Variants in TRHDE observed in about 807,000 individuals in gnomAD.
TRHDE encodes the protein thyrotropin releasing hormone degrading enzyme, also known as thyrotropin-releasing hormone-degrading ectoenzyme.
A neutral mutation model predicts 125.7 loss-of-function variants in TRHDE; 72 were observed. The ratio of observed to expected loss-of-function variants is 0.57; its 90% CI spans 0.47 to 0.70. The LOEUF (loss-of-function observed/expected upper bound fraction) is 0.70. Among genes scored for constraint, TRHDE ranks in the 30% least tolerant of loss-of-function variants. The pLI, the probability that TRHDE is intolerant of heterozygous loss-of-function variation, is 0.00. For missense variants in TRHDE, 1,110 were observed against 1,327.1 expected (o/e 0.84, Z 2.54); for synonymous variants, 509 against 509.1 (o/e 1.00, Z 0.00).
In TRHDE at chr12:72,644,194, A is replaced by G. The variant is rs573467912; in HGVS notation, c.2676-8128A>G. On this transcript the variant is annotated intron_variant, in intron 15 of 18. Coordinates refer to ENST00000261180, the MANE Select transcript of TRHDE (RefSeq NM_013381.3). ...AAACCACTCATCAAAGCTAGTAGAG[A>G]GATTCAGGACACACATTTATCAGAA... is the stretch of plus-strand genomic sequence containing the variant. 3.3e-5 allele frequency among the ~76,000 whole-genome samples: 5 copies of G among 152,296 alleles called. No individual in the cohort carries two copies. In the East Asian group the frequency reaches 9.7e-4, roughly 29 times the overall value.
chr12:72,352,188 A>T (rs1021252124), intron 2 of TRHDE, among the ~76,000 whole-genome samples: 1 of 151,764 alleles, frequency 6.6e-6, no homozygotes, highest in Non-Finnish European at 1.5e-5. Context: ...CTTAAATTGA[A>T]TGATTGACTG....
intron 2 of TRHDE, among the ~76,000 whole-genome samples, chr12:72,317,624 G>C (rs559468333): frequency 6.6e-6 from 1 of 152,060 alleles, no homozygotes; most frequent in African/African-American, 2.4e-5. Context: ...CTTCTTAAAG[G>C]CCCTACCTCT....
At chr12:72,173,590 C>T (rs961704996) in intron 2 of TRHDE, among the ~76,000 whole-genome samples, 2 of 152,100 alleles carry the variant, frequency 1.3e-5, no homozygotes, top group African/African-American at 4.8e-5. Context: ...ATAGTGACCC[C>T]ATAATGCTGG....
chr12:72,569,701 A>G (rs1173664063), intron 10 of TRHDE, among the ~76,000 whole-genome samples: 1 of 152,212 alleles, frequency 6.6e-6, no homozygotes, highest in Non-Finnish European at 1.5e-5. Context: ...TCTAACACAT[A>G]AAGACATACG....
intron 3 of TRHDE, among the ~76,000 whole-genome samples, chr12:72,466,589 C>G (rs1045541393): frequency 6.6e-6 from 1 of 152,172 alleles, no homozygotes; most frequent in African/African-American, 2.4e-5. Flanking sequence ...TGGTTATGAA[C>G]TTACAATTCA....
chr12:72,522,589 C>T, intron 6 of TRHDE, among the ~76,000 whole-genome samples: 1 of 152,150 alleles, frequency 6.6e-6, no homozygotes. Flanking sequence ...GAAAAATAAA[C>T]ATGGCTCTGT....
intron 2 of TRHDE, among the ~76,000 whole-genome samples, chr12:72,175,491 C>T (rs1279606715): frequency 6.6e-6 from 1 of 152,174 alleles, no homozygotes; most frequent in African/African-American, 2.4e-5. Context: ...GAAAGACTCC[C>T]TTTCATGTGG....
intron 6 of TRHDE, 41 bp from the exon 7 acceptor site, chr12:72,542,250 C>T (rs772632755): frequency 5.5e-6 from 8 of 1,465,306 alleles, no homozygotes; most frequent in Non-Finnish European, 7.5e-6. Flanking sequence ...AATCATGATA[C>T]TTTGTTGAAA....
chr12:72,223,518 A>T (rs1462421422), intron 2 of TRHDE, among the ~76,000 whole-genome samples: 1 of 152,124 alleles, frequency 6.6e-6, no homozygotes, highest in Non-Finnish European at 1.5e-5. Context: ...TATTTATGTA[A>T]GATCACAGTT....
At chr12:72,501,615 G>C (rs973937884) in intron 6 of TRHDE, among the ~76,000 whole-genome samples, 1 of 151,862 alleles carries the variant, frequency 6.6e-6, no homozygotes, top group Non-Finnish European at 1.5e-5. Context: ...TAGAAATTTT[G>C]CATCTGGGCT....
chr12:72,359,185 A>G lies in TRHDE; in HGVS notation c.1189-18810A>G, dbSNP rs573941554. Among the ~76,000 whole-genome samples the G allele has an allele frequency of 9.2e-5, 14 of 151,612 alleles. No homozygotes were observed. In the East Asian group the frequency reaches 2.7e-3, roughly 30 times the overall value. On this transcript the variant is annotated intron_variant, in intron 2 of 18. Coordinates refer to ENST00000261180, the MANE Select transcript of TRHDE (RefSeq NM_013381.3). ...ATTACCTTAACAGATCACAAGAAAA[A>G]AAAACATATCTGAAGAGAGGTGAAG...
intron 6 of TRHDE, among the ~76,000 whole-genome samples, chr12:72,528,961 T>A (rs1868405027): frequency 6.6e-6 from 1 of 152,268 alleles, no homozygotes; most frequent in East Asian, 1.9e-4. Context: ...CACTAATAAT[T>A]TTATTCTTAA....
chr12:72,602,109 G>A (rs1023979158), intron 12 of TRHDE, among the ~76,000 whole-genome samples: 7 of 151,998 alleles, frequency 4.6e-5, no homozygotes, highest in Admixed American at 1.3e-4. Flanking sequence ...TTTTTTGTTT[G>A]TTCTGCTTTG....
chr12:72,134,567 G>A (rs1875938536), intron 2 of TRHDE, among the ~76,000 whole-genome samples: 2 of 152,068 alleles, frequency 1.3e-5, no homozygotes, highest in South Asian at 4.1e-4. Context: ...AACTTTATTT[G>A]TATAGTATAT....
At chr12:72,368,013 A>G (rs1234839111) in intron 2 of TRHDE, among the ~76,000 whole-genome samples, 1 of 152,174 alleles carries the variant, frequency 6.6e-6, no homozygotes, top group Non-Finnish European at 1.5e-5. Context: ...TACTGTTGTA[A>G]ATGTTTTTTT....
At chr12:72,620,787 G>A (rs902892310) in intron 13 of TRHDE, among the ~76,000 whole-genome samples, 4 of 151,908 alleles carry the variant, frequency 2.6e-5, no homozygotes, top group Non-Finnish European at 4.4e-5. Flanking sequence ...ACATATGTAC[G>A]CATAGGTGTT....
chr12:72,455,018 T>G (rs1485361453), intron 3 of TRHDE, among the ~76,000 whole-genome samples: 1 of 152,190 alleles, frequency 6.6e-6, no homozygotes, highest in East Asian at 1.9e-4. Flanking sequence ...TGCTTTATGA[T>G]TCATTGAACA....
At chr12:72,240,360 T>C (rs1373463929) in intron 2 of TRHDE, among the ~76,000 whole-genome samples, 3 of 149,150 alleles carry the variant, frequency 2.0e-5, no homozygotes, top group African/African-American at 7.3e-5. Flanking sequence ...TGTGTATATA[T>C]ATATTTGAAT....
rs538252829 is a variant in TRHDE at position 72,570,473 on chromosome 12, C to T, written c.2131+1817C>T. 2.3e-3 allele frequency among the ~76,000 whole-genome samples: 335 copies of T among 147,870 alleles called. 2 individuals are homozygous for T. The highest frequency in any genetic ancestry group is 7.8e-3 in the African/African-American group (317 of 40,384). On this transcript the variant is annotated intron_variant, in intron 10 of 18. Transcript: ENST00000261180. ...GTGGGCACCTATAATCCCAGCTACT[C>T]GGTAGACTGAGGCAGGAGAATCGCT...
Sources: gnomAD v4.1 joint callset for allele counts (sites outside exome capture counted in the v4.1 genomes callset) on GRCh38, gnomAD v4.1.1 for gene constraint, MANE v1.5 for transcripts, NCBI Gene and HGNC (gene_info 2026-07-23, HGNC 2026-07-21) for gene names.